Variants in PRSS23 observed in about 807,000 individuals in gnomAD.
The protein encoded by PRSS23 is protease, serine 23.
In PRSS23, 25 loss-of-function variants were observed where a neutral mutation model predicts 34.7. The ratio of observed to expected loss-of-function variants is 0.72; its 90% confidence interval spans 0.53 to 1.01. PRSS23 has a LOEUF of 1.01. Ranked by LOEUF, PRSS23 falls within the 50% of genes least tolerant of loss-of-function variation. PRSS23 has a pLI of 0.00. For missense variants in PRSS23, 445 were observed against 475.6 expected (o/e 0.94, Z 0.60); for synonymous variants, 176 against 186.6 (o/e 0.94, Z 0.46).
chr11:86,805,352 T>C (rs944930268), intron 1 of PRSS23, among the ~76,000 whole-genome samples: 1 of 152,318 alleles, frequency 6.6e-6, no homozygotes, highest in South Asian at 2.1e-4. Context: ...AGTTCTCCAT[T>C]GGAGAGGAGG....
intron 2 of PRSS23, among the ~76,000 whole-genome samples, chr11:86,906,157 G>T (rs1056148462): frequency 1.3e-5 from 2 of 152,230 alleles, no homozygotes; most frequent in Non-Finnish European, 2.9e-5. Flanking sequence ...GGCGGGGCCG[G>T]GGGGCGGGGG....
At chr11:86,879,391 C>T (rs1218672357) in intron 2 of PRSS23, among the ~76,000 whole-genome samples, 7 of 151,828 alleles carry the variant, frequency 4.6e-5, no homozygotes, top group Admixed American at 4.6e-4. Context: ...GCCCGGCAGC[C>T]ACCCCGTCTG....
At position 86,810,897 on chromosome 11, in the gene PRSS23, TAGA is replaced by T. The variant is rs1948171355; in HGVS notation, c.*2105_*2107del. On this transcript the variant is annotated 3_prime_UTR_variant, in exon 2 of 2. Coordinates refer to ENST00000280258, the MANE Select transcript of PRSS23 (RefSeq NM_007173.6). ...AAGAAAGCATGGTATTAAACTATCA[TAGA>T]AGTAGACAGAAAAAGAAAAAAGGAC... The T allele has an allele frequency of 6.0e-6, 1 of 167,028 alleles. No homozygotes were observed. Among genetic ancestry groups the T allele is most frequent in the South Asian group, 2.1e-4 (1 of 4,830 alleles). The allele number at this position is 167,028 out of a possible 1,614,324, so 10.3% of individuals were successfully genotyped here.
At chr11:86,803,557 A>G (rs1299944695) in intron 1 of PRSS23, among the ~76,000 whole-genome samples, 4 of 152,186 alleles carry the variant, frequency 2.6e-5, no homozygotes, top group Non-Finnish European at 5.9e-5. Context: ...TTAAAGCATC[A>G]CAGTTTTGCA....
chr11:86,840,371 G>A (rs1392282068), intron 2 of PRSS23, among the ~76,000 whole-genome samples: 1 of 152,168 alleles, frequency 6.6e-6, no homozygotes, highest in Non-Finnish European at 1.5e-5. Context: ...AGACAAAGAA[G>A]GCCACTACAT....
At chr11:86,900,781 CTTTTT>C (rs60869425) in intron 2 of PRSS23, among the ~76,000 whole-genome samples, 2 of 94,020 alleles carry the variant, frequency 2.1e-5, no homozygotes, top group African/African-American at 8.9e-5. Context: ...ATCTCTCTCT[CTTTTT>C]TTTTTTTTTT....
At chr11:86,899,017 T>C (rs544070476) in intron 2 of PRSS23, among the ~76,000 whole-genome samples, 1 of 152,204 alleles carries the variant, frequency 6.6e-6, no homozygotes, top group South Asian at 2.1e-4. Context: ...GAAGACAAAG[T>C]GTATGTGCAA....
intron 2 of PRSS23, among the ~76,000 whole-genome samples, chr11:86,832,154 G>T (rs1002662349): frequency 6.6e-6 from 1 of 152,006 alleles, no homozygotes; most frequent in Non-Finnish European, 1.5e-5. Context: ...TTCACCATGT[G>T]CGTACACCCC....
At chr11:86,856,403 A>G (rs1390179766) in intron 2 of PRSS23, among the ~76,000 whole-genome samples, 5 of 151,984 alleles carry the variant, frequency 3.3e-5, no homozygotes, top group South Asian at 4.1e-4. Context: ...AGGCCTCATC[A>G]TGTCTAAGCT....
chr11:86,876,625 A>G (rs1297549282), intron 2 of PRSS23, among the ~76,000 whole-genome samples: 1 of 152,162 alleles, frequency 6.6e-6, no homozygotes, highest in African/African-American at 2.4e-5. Flanking sequence ...CTTAGGCCCC[A>G]CCACAGACCT....
chr11:86,924,541 T>G (rs909160522), intron 2 of PRSS23, among the ~76,000 whole-genome samples: 4 of 152,204 alleles, frequency 2.6e-5, no homozygotes, highest in African/African-American at 7.2e-5. Context: ...CGAACTGGAC[T>G]TGAAGGCTCT....
At chr11:86,930,428 A>G (rs184844302) in intron 2 of PRSS23, among the ~76,000 whole-genome samples, 1 of 152,330 alleles carries the variant, frequency 6.6e-6, no homozygotes, top group African/African-American at 2.4e-5. Context: ...GCCTAGGGAA[A>G]TTCCCTGATG....
At chr11:86,858,776 C>T (rs1440203506) in intron 2 of PRSS23, among the ~76,000 whole-genome samples, 6 of 151,702 alleles carry the variant, frequency 4.0e-5, no homozygotes, top group African/African-American at 1.2e-4. Context: ...GATATGACTC[C>T]CAATATCGCA....
intron 2 of PRSS23, among the ~76,000 whole-genome samples, chr11:86,887,487 G>T (rs56156145): frequency 0.037 from 5,653 of 151,570 alleles, 132 homozygotes; most frequent in Non-Finnish European, 0.054. Context: ...ATTTCACAGT[G>T]AATGTGAGGG....
At chr11:86,936,588 T>G (rs1456115535) in intron 2 of PRSS23, 1 of 152,076 alleles carries the variant, frequency 6.6e-6, no homozygotes, top group Non-Finnish European at 1.5e-5. Flanking sequence ...TTTTTTAATG[T>G]GGGGAAAGGT....
intron 1 of PRSS23, chr11:86,821,086 A>G (rs1948248462): frequency 2.5e-6 from 1 of 395,962 alleles, no homozygotes; most frequent in African/African-American, 2.1e-5. Flanking sequence ...AATGATATAT[A>G]CAGTACATAA....
chr11:86,876,750 A>T (rs1482187098), intron 2 of PRSS23, among the ~76,000 whole-genome samples: 4 of 152,106 alleles, frequency 2.6e-5, no homozygotes, highest in Admixed American at 2.6e-4. Flanking sequence ...AAAACGAAGC[A>T]ATTTGATTCA....
intron 2 of PRSS23, among the ~76,000 whole-genome samples, chr11:86,839,696 A>G (rs1277018630): frequency 6.6e-6 from 1 of 152,036 alleles, no homozygotes; most frequent in Non-Finnish European, 1.5e-5. Context: ...AAAGGCAGCC[A>G]AAGAGAAAGG....
chr11:86,858,689 A>C (rs1478509792), intron 2 of PRSS23, among the ~76,000 whole-genome samples: 2 of 151,442 alleles, frequency 1.3e-5, no homozygotes, highest in Non-Finnish European at 2.9e-5. Context: ...GGGCGACAGG[A>C]TGATATTACT....
Sources: allele counts gnomAD v4.1 joint callset (sites outside exome capture counted in the v4.1 genomes callset), GRCh38; gene constraint gnomAD v4.1.1; transcripts MANE v1.5; gene names NCBI Gene and HGNC (gene_info 2026-07-23, HGNC 2026-07-21).